DENND4A: variants seen among roughly 807,000 people sequenced by gnomAD.
DENND4A encodes DENN domain containing 4A.
In DENND4A, 70 loss-of-function variants were observed where a neutral mutation model predicts 199.3. That is an observed-to-expected ratio of 0.35 (90% CI 0.29 to 0.43). The LOEUF (loss-of-function observed/expected upper bound fraction) is 0.43, where lower values mean the gene tolerates loss of function less well. Ranked by LOEUF, DENND4A falls within the 20% of genes least tolerant of loss-of-function variation. DENND4A has a pLI of 1.00. For synonymous variants in DENND4A, 686 were observed against 766.9 expected, an observed-to-expected ratio of 0.89 and a Z score of 1.74; for missense variants, 1,723 against 2,255.8, an observed-to-expected ratio of 0.76 and a Z score of 4.78.
At chr15:65,778,982 G>T (rs982699317) in intron 1 of DENND4A, among the ~76,000 whole-genome samples, 2 of 151,766 alleles carry the variant, frequency 1.3e-5, no homozygotes, top group South Asian at 4.2e-4. Flanking sequence ...AGGATTTTAG[G>T]GCCCCATAAG....
chr15:65,696,612 T>C, intron 21 of DENND4A, 115 bp from the exon 22 acceptor site: 1 of 666,390 alleles, frequency 1.5e-6, no homozygotes, highest in Non-Finnish European at 2.5e-6. Context: ...GACAAGAAAA[T>C]ATTGAACACC....
At chr15:65,712,551 A>G (rs2075281376) in intron 14 of DENND4A, among the ~76,000 whole-genome samples, 2 of 152,184 alleles carry the variant, frequency 1.3e-5, no homozygotes, top group Admixed American at 6.5e-5. Context: ...CTGATTCCCA[A>G]TGTAGTATGT....
At chr15:65,721,962 T>C (rs1028735763) in intron 12 of DENND4A, among the ~76,000 whole-genome samples, 1 of 152,174 alleles carries the variant, frequency 6.6e-6, no homozygotes, top group Non-Finnish European at 1.5e-5. Flanking sequence ...ATATTCCATA[T>C]CCTAATCAAT....
chr15:65,703,691 T>A (rs2074949335), intron 15 of DENND4A, among the ~76,000 whole-genome samples: 1 of 152,194 alleles, frequency 6.6e-6, no homozygotes, highest in African/African-American at 2.4e-5. Flanking sequence ...CTAGGCTGGG[T>A]GCAGTTAGTG....
chr15:65,666,109 T>A (rs1348281689), intron 29 of DENND4A, among the ~76,000 whole-genome samples: 1 of 152,206 alleles, frequency 6.6e-6, no homozygotes, highest in Non-Finnish European at 1.5e-5. Flanking sequence ...CCTCAGCAGC[T>A]ATATTCCAAG....
intron 24 of DENND4A, among the ~76,000 whole-genome samples, chr15:65,676,093 T>G (rs1470969135): frequency 6.9e-6 from 1 of 145,274 alleles, no homozygotes; most frequent in Non-Finnish European, 1.5e-5. Context: ...AGGAAACTAT[T>G]GACAGTATGT....
chr15:65,767,216 T>A (rs978225649), intron 1 of DENND4A: 2 of 152,154 alleles, frequency 1.3e-5, no homozygotes, highest in Non-Finnish European at 2.9e-5. Context: ...GCTAGGAAGG[T>A]CCTTAGAGAT....
rs990474605 is a variant in DENND4A, at chr15:65,659,463, T to C, written c.*2388A>G. The C allele has an allele frequency of 1.3e-5, 2 of 149,814 alleles. No homozygotes were observed. Among genetic ancestry groups the C allele is most frequent in the Non-Finnish European group, 3.0e-5 (2 of 67,746 alleles). The allele number at this position is 149,814 out of a possible 1,614,324, so 9.3% of individuals were successfully genotyped here. A position where few individuals can be genotyped will look rare whatever the true frequency, so the allele number is the denominator to read the frequency against. ...GATCCTCCTGCTTCAGCCTCCCGAG[T>C]AGCTGGGATTACCAAGCATGAGCCA... On this transcript the variant is annotated 3_prime_UTR_variant, in exon 33 of 33. Transcript: ENST00000443035.
intron 11 of DENND4A, among the ~76,000 whole-genome samples, chr15:65,728,550 C>G (rs1304326417): frequency 6.7e-6 from 1 of 149,308 alleles, no homozygotes; most frequent in Non-Finnish European, 1.5e-5. Context: ...GTGGCGCGAT[C>G]TCAGCTCACC....
intron 20 of DENND4A, among the ~76,000 whole-genome samples, chr15:65,698,221 A>G (rs2077218238): frequency 6.6e-6 from 1 of 152,174 alleles, no homozygotes; most frequent in African/African-American, 2.4e-5. Flanking sequence ...GTGAACTATG[A>G]TTGCACCCCT....
intron 5 of DENND4A, among the ~76,000 whole-genome samples, chr15:65,740,915 T>A (rs899472859): frequency 2.6e-5 from 4 of 151,814 alleles, no homozygotes; most frequent in Admixed American, 2.0e-4. Flanking sequence ...TGAGCTACAA[T>A]CATACCACTG....
At chr15:65,771,912 C>A in intron 1 of DENND4A, 1 of 1,611,590 alleles carries the variant, frequency 6.2e-7, no homozygotes, top group South Asian at 1.1e-5. Flanking sequence ...CTGGATGAAA[C>A]TTCAAAGCAA....
intron 27 of DENND4A, among the ~76,000 whole-genome samples, chr15:65,668,950 C>G (rs2076133758): frequency 6.6e-6 from 1 of 151,962 alleles, no homozygotes; most frequent in African/African-American, 2.4e-5. Context: ...TTTATCAAAT[C>G]AACTGTAAAT....
chr15:65,776,414 T>A (rs2077284356), intron 1 of DENND4A, among the ~76,000 whole-genome samples: 2 of 152,236 alleles, frequency 1.3e-5, no homozygotes, highest in South Asian at 4.1e-4. Context: ...TTCACAATAA[T>A]CATGTATAGA....
intron 13 of DENND4A, among the ~76,000 whole-genome samples, chr15:65,716,623 A>G (rs1025104889): frequency 2.0e-5 from 3 of 151,806 alleles, no homozygotes; most frequent in African/African-American, 7.3e-5. Flanking sequence ...TACGTGCCAC[A>G]TTTTCTTAAT....
At chr15:65,736,790 T>C (rs1485278641) in intron 7 of DENND4A, among the ~76,000 whole-genome samples, 3 of 152,190 alleles carry the variant, frequency 2.0e-5, no homozygotes, top group South Asian at 2.1e-4. Flanking sequence ...CTGCAACAGA[T>C]TGAATGCAGA....
chr15:65,669,724 TA>T, intron 27 of DENND4A, 54 bp downstream of exon 27: 1 of 1,459,216 alleles, frequency 6.9e-7, no homozygotes, highest in Non-Finnish European at 9.3e-7. Flanking sequence ...GTCATACTTC[TA>T]AAATATGTGT....
chr15:65,739,625 A>AAG (rs2076202712), intron 5 of DENND4A, among the ~76,000 whole-genome samples: 1 of 152,156 alleles, frequency 6.6e-6, no homozygotes, highest in Admixed American at 6.5e-5. Context: ...CAAAGACAAA[A>AAG]AGATAAACTG....
chr15:65,770,973 C>T (rs184427537), intron 1 of DENND4A, among the ~76,000 whole-genome samples: 6 of 152,200 alleles, frequency 3.9e-5, no homozygotes, highest in East Asian at 1.9e-4. Context: ...ATTGTAGAAG[C>T]GTAACTAAAA....
Sources: allele counts gnomAD v4.1 joint callset (sites outside exome capture counted in the v4.1 genomes callset), GRCh38; gene constraint gnomAD v4.1.1; transcripts MANE v1.5; gene names NCBI Gene and HGNC (gene_info 2026-07-23, HGNC 2026-07-21).